The following DOK7 variants were observed in gnomAD, a reference collection of about 807,000 sequenced individuals.
The protein encoded by DOK7 is docking protein 7, also known as protein Dok-7.
Under a neutral mutation model 30.7 loss-of-function variants are expected in DOK7, and 32 were observed. That is an observed-to-expected ratio of 1.04 (90% confidence interval 0.79 to 1.40). The LOEUF (loss-of-function observed/expected upper bound fraction) is 1.40. DOK7 is among the 40% of genes most tolerant of loss of function. DOK7 has a pLI of 0.00. For synonymous variants in DOK7, 447 were observed against 324.1 expected (o/e 1.38, Z -4.07); for missense variants, 1,007 against 699.2 (o/e 1.44, Z -4.97).
chr4:3,486,428 A>G (rs1216958715), intron 5 of DOK7, among the ~76,000 whole-genome samples: 2 of 152,204 alleles, frequency 1.3e-5, no homozygotes, highest in Admixed American at 6.5e-5. Context: ...GCAAGCTCAC[A>G]TGTGGCGCCT....
chr4:3,468,587 AGT>A (rs745804353), intron 2 of DOK7, among the ~76,000 whole-genome samples: 1 of 119,922 alleles, frequency 8.3e-6, no homozygotes, highest in Non-Finnish European at 1.8e-5. Context: ...TGCTTGTCTG[AGT>A]GTGCGTGTAT....
chr4:3,488,099 G>A (rs996945980), intron 5 of DOK7, among the ~76,000 whole-genome samples: 8 of 152,270 alleles, frequency 5.3e-5, no homozygotes, highest in Admixed American at 3.3e-4. Flanking sequence ...CCCAGGCACA[G>A]GCAGGGAGGG....
At chr4:3,480,097 G>A (rs944076841) in intron 4 of DOK7, among the ~76,000 whole-genome samples, 2 of 152,214 alleles carry the variant, frequency 1.3e-5, no homozygotes, top group Admixed American at 6.5e-5. Context: ...CCCAGAGAGG[G>A]TGAGCCCACC....
In DOK7 at chr4:3,485,584, G is replaced by A. The variant is rs760505816; in HGVS notation, c.578G>A (p.Ser193Asn). 13 of 1,608,050 alleles carry A rather than the reference G, an allele frequency of 8.1e-6. No homozygotes were observed. The highest frequency in any genetic ancestry group is 1.0e-5 in the Non-Finnish European group (12 of 1,177,056). ...TCCTCGGCCGAGGGGGAGCAGATCAGCTTCCTGTTCGACTGCATCGTCCGA... is the reference window on the plus strand; with the variant it reads ...TCCTCGGCCGAGGGGGAGCAGATCAACTTCCTGTTCGACTGCATCGTCCGA... Reference protein sequence around the residue: ...FLSSAEGEQISFLFDCIVRGI... With the variant: ...FLSSAEGEQINFLFDCIVRGI... The change falls in exon 5 of 7, where the codon AGC (serine) becomes AAC (asparagine). Residue 193 changes from serine to asparagine, a missense_variant. By Grantham distance (46) the Ser-to-Asn change is conservative. Coordinates refer to ENST00000340083, the MANE Select transcript of DOK7 (RefSeq NM_173660.5).
chr4:3,472,485 G>A (rs1577147137), intron 2 of DOK7, among the ~76,000 whole-genome samples: 1 of 152,222 alleles, frequency 6.6e-6, no homozygotes, highest in Non-Finnish European at 1.5e-5. Flanking sequence ...GGTGGGAGGA[G>A]GCCTGGTCAT....
rs1728784003 is a variant in DOK7 at position 3,494,474 on chromosome 4, C to CT, written c.*976dup. On this transcript the variant is annotated 3_prime_UTR_variant, in exon 7 of 7. Transcript: ENST00000340083. ...TGTAATAGACTGGAAATAAAATGTT[C>CT]TTTCCTTACCACCTTGTCCTAGTCC... 11 of 985,490 alleles carry CT rather than the reference C, an allele frequency of 1.1e-5. No homozygotes were observed. The African/African-American group carries it at 1.7e-4, about 16-fold the overall frequency. The allele number at this position is 985,490 out of a possible 1,614,324, so 61.0% of individuals were successfully genotyped here.
rs752857669 is a variant in DOK7, at chr4:3,493,527, G to A, written c.*26G>A. 22 of 1,606,382 alleles carry A rather than the reference G, an allele frequency of 1.4e-5. No individual in the cohort carries two copies. The African/African-American group carries it at 2.7e-4, about 20-fold the overall frequency. On this transcript the variant is annotated 3_prime_UTR_variant, in exon 7 of 7. Coordinates refer to ENST00000340083, the MANE Select transcript of DOK7 (RefSeq NM_173660.5). ...GAGCCGCAGATCCCGCCCCGCGGCT[G>A]CAAAGGGGCTGAATTTGCCCCCAGA...
At chr4:3,484,962 TC>T in intron 4 of DOK7, 1 of 839,766 alleles carries the variant, frequency 1.2e-6, no homozygotes, top group Non-Finnish European at 1.4e-6. Flanking sequence ...GTGGCACAGC[TC>T]CCTTCTCCTG....
intron 3 of DOK7, among the ~76,000 whole-genome samples, chr4:3,473,897 G>A (rs1302648001): frequency 6.6e-6 from 1 of 152,198 alleles, no homozygotes; most frequent in African/African-American, 2.4e-5. Context: ...ACCCAAGCTG[G>A]TGGCCTTTGG....
rs765585571 is a variant in DOK7 at position 3,492,878 on chromosome 4, G to A, written c.892G>A (p.Gly298Arg). 6.2e-7 allele frequency: 1 copy of A among 1,603,318 alleles called. No individual in the cohort carries two copies. Among genetic ancestry groups the A allele is most frequent in the South Asian group, 1.1e-5 (1 of 89,672 alleles). ...SSSSASTSQE[G>R]PRPAAAQAAG... ...GTCGTCAGCCAGCACGTCACAGGAGGGGCCTAGACCAGCAGCTGCCCAGGC... is the reference window on the plus strand; with the variant it reads ...GTCGTCAGCCAGCACGTCACAGGAGAGGCCTAGACCAGCAGCTGCCCAGGC... Residue 298 changes from glycine to arginine, a missense_variant, in exon 7 of 7, where the codon GGG becomes AGG. By Grantham distance (125) the Gly-to-Arg change is moderately radical. Transcript: ENST00000340083.
At chr4:3,482,076 T>C (rs1213445893) in intron 4 of DOK7, among the ~76,000 whole-genome samples, 2 of 152,146 alleles carry the variant, frequency 1.3e-5, no homozygotes, top group Admixed American at 6.5e-5. Flanking sequence ...TCACGCCTCC[T>C]ATCCCCCACA....
At chr4:3,485,321 G>T in intron 4 of DOK7, 2 of 575,948 alleles carry the variant, frequency 3.5e-6, no homozygotes, top group Non-Finnish European at 5.6e-6. Context: ...AGGCTCTGGG[G>T]ACCCAGCTTC....
downstream of DOK7, among the ~76,000 whole-genome samples, chr4:3,495,819 C>T (rs1404117688): frequency 6.6e-6 from 1 of 152,142 alleles, no homozygotes; most frequent in Non-Finnish European, 1.5e-5. Context: ...GGGGAGGGGC[C>T]CTCTCAGGAG....
chr4:3,487,581 T>G (rs951479269), intron 5 of DOK7, among the ~76,000 whole-genome samples: 1 of 152,196 alleles, frequency 6.6e-6, no homozygotes, highest in Non-Finnish European at 1.5e-5. Context: ...GGGTCCACCA[T>G]GCTCCGAGTA....
At chr4:3,476,038 C>A (rs1577151694) in intron 3 of DOK7, among the ~76,000 whole-genome samples, 1 of 152,026 alleles carries the variant, frequency 6.6e-6, no homozygotes. Context: ...CGGCTGCCCC[C>A]ACCTGCCCCA....
rs147752087 is a variant in DOK7 at position 3,490,396 on chromosome 4, G to GTCCTTCCTTTTCCCCACACTCATTCAT, written c.772+606_772+607insCTTTTCCCCACACTCATTCATTCCTTC. 2.8e-3 allele frequency among the ~76,000 whole-genome samples: 124 copies of GTCCTTCCTTTTCCCCACACTCATTCAT among 44,400 alleles called. 2 individuals carry two copies. The highest frequency in any genetic ancestry group is 0.018 in the Middle Eastern group (1 of 56). 29.1% of individuals were successfully genotyped at this position (44,400 alleles called of 152,430 possible). A position where few individuals can be genotyped will look rare whatever the true frequency, so the allele number is the denominator to read the frequency against. On this transcript the variant is annotated intron_variant, in intron 6 of 6. Coordinates refer to ENST00000340083, the MANE Select transcript of DOK7 (RefSeq NM_173660.5). ...CTTCCCCCCACCCCCTGCTCATTCA[G>GTCCTTCCTTTTCCCCACACTCATTCAT]TCCTTCTTTCACCCCCCCCACCGCC...
At position 3,492,963 on chromosome 4, in the gene DOK7, A is replaced by T. The variant is rs1438557939; in HGVS notation, c.977A>T (p.Gln326Leu). The T allele has an allele frequency of 4.5e-6, 7 of 1,552,782 alleles. No homozygotes were observed. Among genetic ancestry groups the T allele is most frequent in the Non-Finnish European group, 4.3e-6 (5 of 1,152,078 alleles). The change falls in exon 7 of 7, where the codon CAG becomes CTG. Residue 326 changes from glutamine (Q) to leucine (L), a missense_variant. Transcript: ENST00000340083. ...CCCCCCAAGCCGCTGCGTCCGCGGC[A>T]GCTGCAGGAGGTTGGCCGCCAGAGC... ...RPPPKPLRPR[Q>L]LQEVGRQSSS... is the part of the protein sequence containing the mutation.
chr4:3,478,309 G>A (rs568408874), intron 4 of DOK7, among the ~76,000 whole-genome samples: 10 of 152,350 alleles, frequency 6.6e-5, no homozygotes, highest in African/African-American at 2.4e-4. Flanking sequence ...CTGCCGAGGT[G>A]TGGGTGGCCC....
At position 3,490,086 on chromosome 4, in the gene DOK7, CCT is replaced by C. The variant is rs144492714; in HGVS notation, c.772+292_772+293del. 0.018 allele frequency among the ~76,000 whole-genome samples: 835 copies of C among 45,364 alleles called. 13 individuals are homozygous for C. Among genetic ancestry groups the C allele is most frequent in the Non-Finnish European group, 0.025 (629 of 24,734 alleles). 29.8% of individuals were successfully genotyped at this position (45,364 alleles called of 152,430 possible). On this transcript the variant is annotated intron_variant, in intron 6 of 6. Transcript: ENST00000340083. ...CCTCCCCCCATTCCTTTCTTCACCCCCTCATTCATTCCTTTCTTCACCCCCAT... is the reference window on the plus strand; with the variant it reads ...CCTCCCCCCATTCCTTTCTTCACCCCCATTCATTCCTTTCTTCACCCCCAT...
Sources: allele counts gnomAD v4.1 joint callset (sites outside exome capture counted in the v4.1 genomes callset), GRCh38; gene constraint gnomAD v4.1.1; transcripts MANE v1.5; gene names NCBI Gene and HGNC (gene_info 2026-07-23, HGNC 2026-07-21).